ZNF41: variants seen among roughly 807,000 people sequenced by gnomAD.
The protein encoded by ZNF41 is zinc finger protein 41.
In ZNF41, 6 loss-of-function variants were observed where a neutral mutation model predicts 9.3. The observed-to-expected ratio is 0.65, with a 90% confidence interval of 0.35 to 1.28. ZNF41 has a LOEUF of 1.28. Ranked by LOEUF, ZNF41 falls within the 50% of genes most tolerant of loss-of-function variation. The pLI is 0.03. For synonymous variants in ZNF41, 192 were observed against 207.1 expected, an observed-to-expected ratio of 0.93 and a Z score of 0.63; for missense variants, 523 against 585.8, an observed-to-expected ratio of 0.89 and a Z score of 1.11.
chrX:47,477,541 C>G (rs764410424), intron 1 of ZNF41, among the ~76,000 whole-genome samples: 2 of 112,259 alleles, frequency 1.8e-5, no homozygotes, highest in Non-Finnish European at 3.8e-5. Context: ...GAGAAATAAG[C>G]CAAAAAAATT....
intron 1 of ZNF41, among the ~76,000 whole-genome samples, chrX:47,479,099 C>T (rs1241733623): frequency 9.0e-6 from 1 of 110,802 alleles, no homozygotes; most frequent in Non-Finnish European, 1.9e-5. Flanking sequence ...ACGATGTTTC[C>T]TTTTGGGATG....
chrX:47,460,828 A>G (rs764980253), intron 2 of ZNF41, among the ~76,000 whole-genome samples: 14 of 111,574 alleles, frequency 1.3e-4, no homozygotes, highest in Non-Finnish European at 2.3e-4. Context: ...CTGTGCTGGA[A>G]AGTATTTTGG....
chrX:47,459,789 G>A (rs1469821810), intron 2 of ZNF41, among the ~76,000 whole-genome samples: 1 of 102,926 alleles, frequency 9.7e-6, no homozygotes, highest in Non-Finnish European at 2.0e-5. Context: ...AAGAAGACAA[G>A]GTTGTGTATA....
chrX:47,475,172 T>C (rs889719568), intron 1 of ZNF41, among the ~76,000 whole-genome samples: 55 of 107,873 alleles, frequency 5.1e-4, no homozygotes, highest in South Asian at 1.2e-3. Flanking sequence ...TATATATATA[T>C]GTATATATAC....
intron 2 of ZNF41, among the ~76,000 whole-genome samples, chrX:47,461,067 T>TA (rs968047482): frequency 9.1e-6 from 1 of 110,041 alleles, no homozygotes; most frequent in Admixed American, 9.8e-5. Flanking sequence ...ACTGTCTTCG[T>TA]AAAAAAAATT....
chrX:47,445,463 AC>A lies in ZNF41; in HGVS notation c.*1966del, dbSNP rs1444020880. On this transcript the variant is annotated 3_prime_UTR_variant, in exon 5 of 5. Coordinates refer to ENST00000684689, the MANE Select transcript of ZNF41 (RefSeq NM_001324144.2). Reference sequence around the variant, plus strand: ...AAAATAAAACCGAAAACTAAAACTGACATATCACTATATGCCCACCACTAAT... The same window carrying A: ...AAAATAAAACCGAAAACTAAAACTGAATATCACTATATGCCCACCACTAAT... Among the ~76,000 whole-genome samples, 1 of 111,878 alleles carries A rather than the reference AC, an allele frequency of 8.9e-6. No individual in the cohort carries two copies. The highest frequency in any genetic ancestry group is 1.9e-5 in the Non-Finnish European group (1 of 53,194).
intron 2 of ZNF41, among the ~76,000 whole-genome samples, chrX:47,464,246 G>A (rs746138551): frequency 2.7e-5 from 3 of 111,138 alleles, no homozygotes; most frequent in African/African-American, 9.8e-5. Context: ...TGGCTCCAGC[G>A]TCTGACTCAT....
chrX:47,451,551 T>G (rs1284251784), intron 4 of ZNF41, among the ~76,000 whole-genome samples: 11 of 111,938 alleles, frequency 9.8e-5, no homozygotes, highest in Non-Finnish European at 5.6e-5. Flanking sequence ...GCCAGGAGTT[T>G]GAGACATGGC....
intron 1 of ZNF41, among the ~76,000 whole-genome samples, chrX:47,482,252 T>G (rs370259055): frequency 9.1e-6 from 1 of 110,202 alleles, no homozygotes; most frequent in African/African-American, 3.3e-5. Flanking sequence ...TAGTGACCCA[T>G]CACTCACCCA....
In ZNF41 at chrX:47,445,414, T is replaced by C. The variant is rs181889547; in HGVS notation, c.*2016A>G. Among the ~76,000 whole-genome samples, 3 of 111,816 alleles carry C rather than the reference T, an allele frequency of 2.7e-5. No homozygotes were observed. The highest frequency in any genetic ancestry group is 3.8e-5 in the Non-Finnish European group (2 of 53,170). On this transcript the variant is annotated 3_prime_UTR_variant, in exon 5 of 5. Transcript: ENST00000684689. ...CCATCACTCATCTATCCTGGGGAGA[T>C]ACTACAATGGTTTGGAGGACAAGAA... is the stretch of plus-strand genomic sequence containing the variant.
chrX:47,455,964 C>T lies in ZNF41; in HGVS notation c.252G>A (p.Gly84=), dbSNP rs1304012984. The part of the protein sequence containing the change: ...EAAFKLEQGE[G]PWMLEGEAPH... ...GGGCTTCCCCCTCCAGCATCCATGG[C>T]CCCTCTCCTTGCTCCAACTTGAAGG... The change falls in exon 4 of 5, where the codon GGG becomes GGA. Residue 84 remains glycine (G), a synonymous_variant. Coordinates refer to ENST00000684689, the MANE Select transcript of ZNF41 (RefSeq NM_001324144.2). 2 of 1,211,790 alleles carry T rather than the reference C, an allele frequency of 1.7e-6. No individual in the cohort carries two copies. The highest frequency in any genetic ancestry group is 2.2e-6 in the Non-Finnish European group (2 of 895,486).
chrX:47,481,530 C>T (rs970364165), intron 1 of ZNF41, among the ~76,000 whole-genome samples: 1 of 111,806 alleles, frequency 8.9e-6, no homozygotes, highest in Admixed American at 9.5e-5. Context: ...GCCTATAGTT[C>T]CAGCTACTTG....
chrX:47,457,410 T>TAA (rs763721884), intron 2 of ZNF41, among the ~76,000 whole-genome samples: 1 of 96,544 alleles, frequency 1.0e-5, no homozygotes, highest in Non-Finnish European at 2.1e-5. Context: ...AGACTCCGTC[T>TAA]AAAAAAAAAA....
chrX:47,466,716 G>A (rs192744299), intron 2 of ZNF41, among the ~76,000 whole-genome samples: 13 of 109,809 alleles, frequency 1.2e-4, no homozygotes, highest in African/African-American at 3.6e-4. Flanking sequence ...ATGGGGGTTC[G>A]CCACGTTGGT....
intron 2 of ZNF41, among the ~76,000 whole-genome samples, chrX:47,458,822 A>G (rs1339301875): frequency 2.0e-5 from 2 of 102,562 alleles, no homozygotes; most frequent in Non-Finnish European, 3.9e-5. Context: ...GGGTCTCCCT[A>G]TGTTGCCTAG....
At chrX:47,463,960 A>T (rs2056902797) in intron 2 of ZNF41, among the ~76,000 whole-genome samples, 1 of 111,507 alleles carries the variant, frequency 9.0e-6, no homozygotes, top group African/African-American at 3.3e-5. Context: ...GCTCTCTTCT[A>T]AACCAAGGAA....
At chrX:47,466,221 A>G (rs187885566) in intron 2 of ZNF41, among the ~76,000 whole-genome samples, 6 of 111,500 alleles carry the variant, frequency 5.4e-5, no homozygotes, top group African/African-American at 1.6e-4. Context: ...TTAAAAGTTT[A>G]ATATTATCCT....
chrX:47,456,456 G>A (rs1214414826), intron 2 of ZNF41, 58 bp from the exon 3 acceptor site: 2 of 1,206,561 alleles, frequency 1.7e-6, no homozygotes, highest in Non-Finnish European at 2.2e-6. Context: ...ATGGAAGAAG[G>A]TAGATAGCAA....
Position 47,447,959 on chromosome X carries a change from T to C in ZNF41, c.1811A>G (p.Glu604Gly). 1.7e-6 allele frequency: 2 copies of C among 1,211,978 alleles called. No individual in the cohort carries two copies. The highest frequency in any genetic ancestry group is 2.2e-6 in the Non-Finnish European group (2 of 895,593). ...LSVHQRIHTGEKPYVCPECGK... is the reference protein window; with the variant it reads ...LSVHQRIHTGGKPYVCPECGK... ...GCATTCAGGACAAACGTACGGTTTC[T>C]CTCCTGTATGGATTCTCTGATGCAC... The change falls in exon 5 of 5, where the codon GAG becomes GGG. Residue 604 changes from glutamate to glycine, a missense_variant. Transcript: ENST00000684689.
Sources: allele counts gnomAD v4.1 joint callset (sites outside exome capture counted in the v4.1 genomes callset), GRCh38; gene constraint gnomAD v4.1.1; transcripts MANE v1.5; gene names NCBI Gene and HGNC (gene_info 2026-07-23, HGNC 2026-07-21).